HEMK2: variants seen among roughly 807,000 people sequenced by gnomAD.
HEMK2 encodes the protein HemK methyltransferase 2, ETF1 glutamine and histone H4 lysine, also known as methyltransferase HEMK2.
At chr21:28,792,018 T>C in the HEMK2 span, among the ~76,000 whole-genome samples, 1 of 152,166 alleles carries the variant, frequency 6.6e-6, no homozygotes, top group African/African-American at 2.4e-5. Context: ...TCAACCCCAC[T>C]GCTCATTATA....
At chr21:28,809,075 A>G in the HEMK2 span, among the ~76,000 whole-genome samples, 1 of 152,156 alleles carries the variant, frequency 6.6e-6, no homozygotes, top group African/African-American at 2.4e-5. Flanking sequence ...GAAATTCACA[A>G]TTGCTCTATA....
chr21:28,791,246 T>C, the HEMK2 span, among the ~76,000 whole-genome samples: 1 of 152,192 alleles, frequency 6.6e-6, no homozygotes, highest in Admixed American at 6.5e-5. Context: ...GATTTCATTA[T>C]GCGATCAAGG....
the HEMK2 span, among the ~76,000 whole-genome samples, chr21:28,853,976 T>C: frequency 2.6e-5 from 4 of 152,192 alleles, no homozygotes; most frequent in Non-Finnish European, 4.4e-5. Context: ...GATAAGAGCT[T>C]GTGTCTGTTT....
chr21:28,830,654 G>T, the HEMK2 span, among the ~76,000 whole-genome samples: 2 of 152,338 alleles, frequency 1.3e-5, no homozygotes, highest in South Asian at 4.1e-4. Context: ...AAGGTGGGCA[G>T]ATCATGAGGT....
At chr21:28,598,695 G>T in the HEMK2 span, among the ~76,000 whole-genome samples, 1 of 152,098 alleles carries the variant, frequency 6.6e-6, no homozygotes, top group Admixed American at 6.5e-5. Flanking sequence ...TGAGCCTGAG[G>T]GTGATCCTAG....
the HEMK2 span, among the ~76,000 whole-genome samples, chr21:28,695,861 C>T: frequency 6.6e-6 from 1 of 152,094 alleles, no homozygotes; most frequent in Non-Finnish European, 1.5e-5. Context: ...AAGTCTCTTC[C>T]ACCTATGAGC....
the HEMK2 span, among the ~76,000 whole-genome samples, chr21:28,813,387 A>G: frequency 1.3e-5 from 2 of 152,176 alleles, no homozygotes; most frequent in East Asian, 3.9e-4. Context: ...TAGGAATACA[A>G]CTTACAAGGG....
At chr21:28,640,058 A>C in the HEMK2 span, among the ~76,000 whole-genome samples, 3 of 152,222 alleles carry the variant, frequency 2.0e-5, no homozygotes, top group Admixed American at 1.3e-4. Context: ...TTTAGAAGAG[A>C]AAACAAAGTC....
At chr21:28,770,155 A>G in the HEMK2 span, among the ~76,000 whole-genome samples, 1 of 152,178 alleles carries the variant, frequency 6.6e-6, no homozygotes, top group African/African-American at 2.4e-5. Context: ...TCCATCTCAC[A>G]AAAGATTTCA....
At chr21:28,783,366 G>A in the HEMK2 span, among the ~76,000 whole-genome samples, 1,790 of 152,084 alleles carry the variant, frequency 0.012, 28 homozygotes, top group African/African-American at 0.04. Flanking sequence ...TGTAATTTTC[G>A]TAGAGACGGG....
chr21:28,673,080 G>A, the HEMK2 span, among the ~76,000 whole-genome samples: 3 of 149,614 alleles, frequency 2.0e-5, no homozygotes, highest in African/African-American at 7.4e-5. Context: ...GAGAGAGAAA[G>A]AGAGAGGGAG....
chr21:28,825,107 A>G, the HEMK2 span, among the ~76,000 whole-genome samples: 1 of 152,134 alleles, frequency 6.6e-6, no homozygotes, highest in Non-Finnish European at 1.5e-5. Flanking sequence ...GGACAATCTA[A>G]AGATCCATGA....
the HEMK2 span, among the ~76,000 whole-genome samples, chr21:28,601,534 A>G: frequency 6.7e-6 from 1 of 148,336 alleles, no homozygotes. Flanking sequence ...CACCCACTTC[A>G]CCGCCTGGCA....
chr21:28,719,368 G>C, the HEMK2 span, among the ~76,000 whole-genome samples: 2 of 152,116 alleles, frequency 1.3e-5, no homozygotes, highest in Non-Finnish European at 2.9e-5. Context: ...CATGGGGGTG[G>C]TTTCCCCCAT....
the HEMK2 span, among the ~76,000 whole-genome samples, chr21:28,856,952 C>A: frequency 6.6e-6 from 1 of 152,178 alleles, no homozygotes; most frequent in South Asian, 2.1e-4. Flanking sequence ...GTTCATTCCC[C>A]TAGGAAAGTG....
At chr21:28,812,710 T>A in the HEMK2 span, among the ~76,000 whole-genome samples, 2 of 152,244 alleles carry the variant, frequency 1.3e-5, no homozygotes, top group Admixed American at 1.3e-4. Context: ...TCAGAAGGAA[T>A]GGTACCAGCT....
chr21:28,799,546 TCTC>T, the HEMK2 span, among the ~76,000 whole-genome samples: 1 of 152,168 alleles, frequency 6.6e-6, no homozygotes, highest in Non-Finnish European at 1.5e-5. Context: ...AACATTGTCC[TCTC>T]CTCATCATCT....
the HEMK2 span, among the ~76,000 whole-genome samples, chr21:28,615,885 G>A: frequency 1.3e-5 from 2 of 152,152 alleles, no homozygotes; most frequent in African/African-American, 4.8e-5. Context: ...CCAGAGTGGG[G>A]TAGATAAATC....
the HEMK2 span, among the ~76,000 whole-genome samples, chr21:28,868,799 T>C: frequency 6.6e-6 from 1 of 152,352 alleles, no homozygotes; most frequent in East Asian, 1.9e-4. Flanking sequence ...TTTTCCTGCT[T>C]TGGGGGACTA....
Sources: allele counts gnomAD v4.1 joint callset (sites outside exome capture counted in the v4.1 genomes callset), GRCh38; gene constraint gnomAD v4.1.1; transcripts MANE v1.5; gene names NCBI Gene and HGNC (gene_info 2026-07-23, HGNC 2026-07-21).